The following AGAP6 variants were observed in gnomAD, a reference collection of about 807,000 sequenced individuals.
AGAP6 encodes arf-GAP with GTPase, ANK repeat and PH domain-containing protein 6.
AGAP6 carries 29 observed loss-of-function variants against 63.9 expected under a neutral mutation model. The observed-to-expected ratio is 0.45, with a 90% CI of 0.34 to 0.62. The LOEUF is 0.62. Among genes scored for constraint, AGAP6 ranks in the 20% least tolerant of loss-of-function variants. AGAP6 has a pLI of 0.01. For missense variants in AGAP6, 493 were observed against 884.9 expected, an observed-to-expected ratio of 0.56 and a Z score of 5.62; for synonymous variants, 199 against 332.9, an observed-to-expected ratio of 0.60 and a Z score of 4.38.
Position 49,999,168 on chromosome 10 carries a change from G to T in AGAP6, c.397-2828G>T, listed in dbSNP as rs1294092991. ...CAGGAGAATCGCTTGAACCTCGGAG[G>T]CAGAGGTTGCAGTGAGCCAAGATCA... On this transcript the variant is annotated intron_variant, in intron 4 of 7. Transcript: ENST00000412531. 3.7e-4 allele frequency among the ~76,000 whole-genome samples: 50 copies of T among 136,780 alleles called. 3 individuals carry two copies. Among genetic ancestry groups the T allele is most frequent in the Non-Finnish European group, 2.1e-4 (14 of 65,180 alleles). The allele number at this position is 136,780 out of a possible 152,430, so 89.7% of individuals were successfully genotyped here. A position where few individuals can be genotyped will look rare whatever the true frequency, so the allele number is the denominator to read the frequency against.
intron 2 of AGAP6, 119 bp from the exon 3 acceptor site, chr10:49,991,557 A>G (rs561568386): frequency 2.0e-5 from 27 of 1,358,156 alleles, no homozygotes; most frequent in Middle Eastern, 2.6e-4. Flanking sequence ...ATTCATTTCA[A>G]TGGATAAGAA....
chr10:50,008,319 T>TG (rs1355856180), intron 7 of AGAP6, among the ~76,000 whole-genome samples: 2 of 140,766 alleles, frequency 1.4e-5, no homozygotes, highest in Non-Finnish European at 3.0e-5. Context: ...TTTTTTTTTT[T>TG]ATGGACTCTC....
In AGAP6 at chr10:50,008,844, C is replaced by A. The variant is rs1554864549; in HGVS notation, c.719C>A (p.Pro240His). Residue 240 changes from proline to histidine, a missense_variant, in exon 8 of 8, where the codon CCC becomes CAC. Physicochemically the swap from Pro to His is moderately conservative, Grantham distance 77. This residue lies in a region of AGAP6 where 342 missense variants were observed against 533.4 expected (regional missense o/e 0.64). Transcript: ENST00000412531. Reference sequence around the variant, plus strand: ...AGTGTTCCTCCCACTGCCAACACACCCACGCCCGTTTGCAAGCGGTCCATG... The same window carrying A: ...AGTGTTCCTCCCACTGCCAACACACACACGCCCGTTTGCAAGCGGTCCATG... ...QFSVPPTANTPTPVCKRSMRW... is the reference protein window; with the variant it reads ...QFSVPPTANTHTPVCKRSMRW... 14 of 1,614,034 alleles carry A rather than the reference C, an allele frequency of 8.7e-6. No homozygotes were observed. Among genetic ancestry groups the A allele is most frequent in the Non-Finnish European group, 8.5e-7 (1 of 1,180,004 alleles).
At chr10:49,991,181 CAA>C (rs1298940730) in intron 2 of AGAP6, among the ~76,000 whole-genome samples, 8 of 151,962 alleles carry the variant, frequency 5.3e-5, no homozygotes, top group African/African-American at 1.9e-4. Flanking sequence ...GACAGCTACT[CAA>C]GAGAACTAAG....
chr10:50,005,052 G>A (rs1452912182), intron 6 of AGAP6, among the ~76,000 whole-genome samples: 1 of 152,128 alleles, frequency 6.6e-6, no homozygotes, highest in Non-Finnish European at 1.5e-5. Context: ...TGTGAGGACT[G>A]TCTTGTGCAT....
At chr10:50,005,476 TG>T (rs1374607937) in intron 6 of AGAP6, among the ~76,000 whole-genome samples, 2 of 152,142 alleles carry the variant, frequency 1.3e-5, no homozygotes, top group Non-Finnish European at 2.9e-5. Flanking sequence ...CTGGGCGTGG[TG>T]GCACGCACCT....
intron 2 of AGAP6, among the ~76,000 whole-genome samples, chr10:49,991,429 T>C (rs1421380465): frequency 6.6e-6 from 1 of 150,398 alleles, no homozygotes; most frequent in African/African-American, 2.4e-5. Flanking sequence ...GTCATTGTGT[T>C]ACTCTTGCTG....
At chr10:50,005,408 G>A (rs1174265367) in intron 6 of AGAP6, among the ~76,000 whole-genome samples, 40 of 152,108 alleles carry the variant, frequency 2.6e-4, no homozygotes, top group African/African-American at 7.0e-4. Flanking sequence ...TCAGGAGATC[G>A]AGACCATCCT....
chr10:49,995,786 TAG>T (rs1436900212), intron 4 of AGAP6, among the ~76,000 whole-genome samples: 2 of 152,240 alleles, frequency 1.3e-5, no homozygotes, highest in African/African-American at 4.8e-5. Context: ...TCCTCTTTGA[TAG>T]AGAGTACACC....
chr10:50,008,530 C>G lies in AGAP6; in HGVS notation c.586-181C>G, dbSNP rs1238178877. The G allele has an allele frequency of 6.1e-6, 3 of 488,812 alleles. No individual in the cohort carries two copies. In the East Asian group the frequency reaches 4.7e-4, roughly 76 times the overall value. 30.3% of individuals were successfully genotyped at this position (488,812 alleles called of 1,614,324 possible). On this transcript the variant is annotated intron_variant, in intron 7 of 7. Transcript: ENST00000412531. ...GTTTCACCATGTTGGCCAGGATGGT[C>G]TTGAACTCCTGACCTCGTGATCCAC...
chr10:50,004,656 ATTG>A, intron 5 of AGAP6, 26 bp from the exon 6 acceptor site: 3 of 1,132,896 alleles, frequency 2.6e-6, no homozygotes, highest in Admixed American at 2.7e-5. Flanking sequence ...GATAACATCT[ATTG>A]TTATGAATTT....
At chr10:50,006,862 G>C (rs1376456943) in intron 6 of AGAP6, among the ~76,000 whole-genome samples, 2 of 149,510 alleles carry the variant, frequency 1.3e-5, no homozygotes, top group East Asian at 1.9e-4. Flanking sequence ...CATCAAAGAC[G>C]TTCTTACGAA....
At chr10:50,005,795 C>T (rs1480684243) in intron 6 of AGAP6, among the ~76,000 whole-genome samples, 1 of 149,348 alleles carries the variant, frequency 6.7e-6, no homozygotes, top group Non-Finnish European at 1.5e-5. Context: ...TGGTGCATGC[C>T]TGTAGTCCCA....
chr10:49,990,065 C>T (rs548290278), intron 2 of AGAP6, among the ~76,000 whole-genome samples: 54 of 152,274 alleles, frequency 3.5e-4, no homozygotes, highest in African/African-American at 1.2e-3. Context: ...GTCAGACCTT[C>T]CCTGTAAGAG....
intron 4 of AGAP6, among the ~76,000 whole-genome samples, chr10:49,998,010 ATATATG>A (rs1841561826): frequency 7.3e-6 from 1 of 137,380 alleles, no homozygotes; most frequent in Non-Finnish European, 1.5e-5. Flanking sequence ...ATATATATAT[ATATATG>A]TATGTATATC....
At chr10:49,999,643 G>GGC (rs1554862630) in intron 4 of AGAP6, among the ~76,000 whole-genome samples, 1 of 125,178 alleles carries the variant, frequency 8.0e-6, no homozygotes, top group Non-Finnish European at 1.6e-5. Context: ...AACAATAAAA[G>GGC]GCATGCAGAT....
Position 49,989,065 on chromosome 10 carries a change from C to T in AGAP6, c.223+127C>T, listed in dbSNP as rs1169188650. 3.2e-6 allele frequency: 5 copies of T among 1,573,498 alleles called. No individual in the cohort carries two copies. The African/African-American group carries it at 4.1e-5, about 13-fold the overall frequency. On this transcript the variant is annotated intron_variant, in intron 1 of 7. Coordinates refer to ENST00000412531, the MANE Select transcript of AGAP6 (RefSeq NM_001077665.3). ...TGTAGCCAGCTTTCCCGGGGGCTGGCCAGGAACAAAAGCTGGCTCTGCCTT... is the reference window on the plus strand; with the variant it reads ...TGTAGCCAGCTTTCCCGGGGGCTGGTCAGGAACAAAAGCTGGCTCTGCCTT...
chr10:50,007,940 G>C (rs1484249165), intron 6 of AGAP6, 85 bp from the exon 7 acceptor site: 4 of 1,607,586 alleles, frequency 2.5e-6, no homozygotes, highest in South Asian at 1.1e-5. Flanking sequence ...AAACACCAAA[G>C]CACACAGGAG....
At chr10:49,993,009 G>T (rs1289183449) in intron 3 of AGAP6, among the ~76,000 whole-genome samples, 1 of 152,216 alleles carries the variant, frequency 6.6e-6, no homozygotes, top group East Asian at 1.9e-4. Flanking sequence ...TGATCTACCC[G>T]CTTCAGCCTC....
Sources: gnomAD v4.1 joint callset for allele counts (sites outside exome capture counted in the v4.1 genomes callset) on GRCh38, gnomAD v4.1.1 for gene constraint, gnomAD v4.1.1 regional missense constraint, MANE v1.5 for transcripts, NCBI Gene and HGNC (gene_info 2026-07-23, HGNC 2026-07-21) for gene names.